Variants in KCNH1 observed in about 807,000 individuals in gnomAD.
KCNH1 encodes voltage-gated delayed rectifier potassium channel KCNH1.
KCNH1 carries 27 observed loss-of-function variants against 69.2 expected under a neutral mutation model. The observed-to-expected ratio is 0.39, with a 90% CI of 0.29 to 0.54. The LOEUF (loss-of-function observed/expected upper bound fraction) is 0.54. Among genes scored for constraint, KCNH1 ranks in the 20% least tolerant of loss-of-function variants. The pLI, the probability that KCNH1 is intolerant of heterozygous loss-of-function variation, is 0.68. For synonymous variants in KCNH1, 456 were observed against 487.7 expected (o/e 0.93, Z 0.86); for missense variants, 798 against 1,261.6 (o/e 0.63, Z 5.57).
chr1:210,703,668 C>A (rs745415852), intron 10 of KCNH1, among the ~76,000 whole-genome samples: 14 of 152,256 alleles, frequency 9.2e-5, no homozygotes, highest in Middle Eastern at 6.8e-3. Context: ...TGCTGCCTTC[C>A]TAACTAACTC....
intron 10 of KCNH1, among the ~76,000 whole-genome samples, chr1:210,758,803 T>C (rs1294848261): frequency 6.6e-6 from 1 of 152,172 alleles, no homozygotes; most frequent in Non-Finnish European, 1.5e-5. Context: ...CTCAGACTTC[T>C]CCAGTGAATC....
chr1:210,905,744 C>A (rs184960550), intron 7 of KCNH1, among the ~76,000 whole-genome samples: 1 of 151,986 alleles, frequency 6.6e-6, no homozygotes. Context: ...GGGAGCACTT[C>A]AGAAGATTGA....
intron 3 of KCNH1, among the ~76,000 whole-genome samples, chr1:211,100,326 A>T (rs186047907): frequency 2.0e-5 from 3 of 152,110 alleles, no homozygotes; most frequent in Admixed American, 6.5e-5. Context: ...CTCCAACCTC[A>T]TATTACTTCT....
chr1:210,890,204 C>A (rs746274969), intron 7 of KCNH1, among the ~76,000 whole-genome samples: 2 of 152,110 alleles, frequency 1.3e-5, no homozygotes, highest in Non-Finnish European at 2.9e-5. Context: ...ATATACAGAC[C>A]AGTGGAACAG....
intron 6 of KCNH1, among the ~76,000 whole-genome samples, chr1:210,986,618 C>G (rs1024786717): frequency 3.9e-5 from 6 of 152,200 alleles, no homozygotes; most frequent in African/African-American, 1.4e-4. Context: ...AGCCCCCACT[C>G]TCTTCTGGCT....
chr1:210,991,897 T>C (rs1292705101), intron 6 of KCNH1, among the ~76,000 whole-genome samples: 1 of 152,176 alleles, frequency 6.6e-6, no homozygotes, highest in African/African-American at 2.4e-5. Context: ...GATTGGGGCC[T>C]CCCCTTTTAG....
At chr1:210,736,021 T>C (rs1447567132) in intron 10 of KCNH1, among the ~76,000 whole-genome samples, 1 of 152,200 alleles carries the variant, frequency 6.6e-6, no homozygotes, top group Non-Finnish European at 1.5e-5. Context: ...TCTTTTGCAT[T>C]GTTTTATTTT....
intron 5 of KCNH1, among the ~76,000 whole-genome samples, chr1:211,022,301 C>T (rs1373154161): frequency 6.6e-6 from 1 of 152,188 alleles, no homozygotes; most frequent in African/African-American, 2.4e-5. Flanking sequence ...AGACCCCTAT[C>T]TCTTCTCATA....
In KCNH1 at chr1:210,898,394, G is replaced by C. The variant is rs543527005; in HGVS notation, c.1462+21246C>G. Among the ~76,000 whole-genome samples, 164 of 152,314 alleles carry C rather than the reference G, an allele frequency of 1.1e-3. 1 individual carries two copies. Among genetic ancestry groups the C allele is most frequent in the Non-Finnish European group, 1.1e-3 (78 of 68,010 alleles). On this transcript the variant is annotated intron_variant, in intron 7 of 10. Coordinates refer to ENST00000271751, the MANE Select transcript of KCNH1 (RefSeq NM_172362.3). ...AAGGTACAGAAACATTAACAGGCAT[G>C]GTTTTGCCCTCTGGTGGCTTACAGT...
rs892541019 is a variant in KCNH1, at chr1:211,122,295, A to C, written c.79+11572T>G. Reference sequence around the variant, plus strand: ...AATGAGACACTATCTCATACCAGTCAGAATGGTGGTTACTAAATAGTCAAG... The same window carrying C: ...AATGAGACACTATCTCATACCAGTCCGAATGGTGGTTACTAAATAGTCAAG... On this transcript the variant is annotated intron_variant, in intron 1 of 10. Transcript: ENST00000271751. Among the ~76,000 whole-genome samples the C allele has an allele frequency of 5.9e-5, 9 of 152,238 alleles. No homozygotes were observed. The East Asian group carries it at 1.7e-3, about 29-fold the overall frequency.
chr1:211,045,426 T>C (rs541468222), intron 5 of KCNH1, among the ~76,000 whole-genome samples: 1 of 150,960 alleles, frequency 6.6e-6, no homozygotes, highest in Admixed American at 6.6e-5. Context: ...AATAAAAAAA[T>C]TAAAAAGAAA....
At chr1:210,893,940 C>G (rs1390122670) in intron 7 of KCNH1, among the ~76,000 whole-genome samples, 2 of 152,074 alleles carry the variant, frequency 1.3e-5, no homozygotes, top group East Asian at 1.9e-4. Flanking sequence ...TCTCTAGAAG[C>G]TTGATTTGAA....
At chr1:210,705,712 C>T (rs763053780) in intron 10 of KCNH1, among the ~76,000 whole-genome samples, 1 of 152,208 alleles carries the variant, frequency 6.6e-6, no homozygotes, top group Non-Finnish European at 1.5e-5. Flanking sequence ...GGTCTTCCCT[C>T]CTCCTATGGG....
At chr1:211,094,091 C>A (rs1241422257) in intron 3 of KCNH1, among the ~76,000 whole-genome samples, 2 of 152,164 alleles carry the variant, frequency 1.3e-5, no homozygotes, top group African/African-American at 4.8e-5. Context: ...AGTCCCCAAC[C>A]TTTTTGGCAC....
intron 9 of KCNH1, among the ~76,000 whole-genome samples, chr1:210,781,290 C>G (rs965175859): frequency 6.6e-6 from 1 of 152,106 alleles, no homozygotes; most frequent in African/African-American, 2.4e-5. Context: ...ATCCACTACT[C>G]TGTTGGCGGC....
At chr1:210,764,908 T>G (rs1484363520) in intron 10 of KCNH1, among the ~76,000 whole-genome samples, 1 of 152,194 alleles carries the variant, frequency 6.6e-6, no homozygotes, top group Non-Finnish European at 1.5e-5. Flanking sequence ...ACACCTGCAC[T>G]CATATGTTTA....
At chr1:211,110,507 C>T (rs985310720) in intron 1 of KCNH1, among the ~76,000 whole-genome samples, 4 of 152,072 alleles carry the variant, frequency 2.6e-5, no homozygotes, top group African/African-American at 4.8e-5. Flanking sequence ...AAACCAAAAT[C>T]TCATGGTCAC....
At chr1:211,086,987 C>G (rs1199150047) in intron 4 of KCNH1, among the ~76,000 whole-genome samples, 1 of 152,172 alleles carries the variant, frequency 6.6e-6, no homozygotes, top group Non-Finnish European at 1.5e-5. Context: ...AACCAAAAAT[C>G]TAGAATGGCT....
At chr1:210,953,678 G>A (rs1237266193) in intron 6 of KCNH1, among the ~76,000 whole-genome samples, 5 of 152,084 alleles carry the variant, frequency 3.3e-5, no homozygotes, top group South Asian at 4.1e-4. Context: ...GAATCCCGTC[G>A]TTTCCTGGCA....
Sources: gnomAD v4.1 joint callset for allele counts (sites outside exome capture counted in the v4.1 genomes callset) on GRCh38, gnomAD v4.1.1 for gene constraint, MANE v1.5 for transcripts, NCBI Gene and HGNC (gene_info 2026-07-23, HGNC 2026-07-21) for gene names.